The following PRELID2 variants were observed in gnomAD, a reference collection of about 807,000 sequenced individuals.
PRELID2 encodes the protein PRELI domain containing 2.
Under a neutral mutation model 28.4 loss-of-function variants are expected in PRELID2, and 25 were observed. The observed-to-expected ratio is 0.88, with a 90% CI of 0.64 to 1.23. The LOEUF (loss-of-function observed/expected upper bound fraction) is 1.23, where lower values mean the gene tolerates loss of function less well. Ranked by LOEUF, PRELID2 falls within the 50% of genes most tolerant of loss-of-function variation. The probability of loss-of-function intolerance (pLI) is 0.00; values close to 1 mark genes in which losing one functional copy is unlikely to be tolerated. For missense variants in PRELID2, 201 were observed against 214.4 expected (o/e 0.94, Z 0.39); for synonymous variants, 76 against 71.6 (o/e 1.06, Z -0.31).
chr5:145,465,831 G>C, the PRELID2 span, among the ~76,000 whole-genome samples: 4 of 152,214 alleles, frequency 2.6e-5, no homozygotes, highest in South Asian at 8.3e-4. Flanking sequence ...CACAAAACTA[G>C]ATCCCAGAGC....
At chr5:145,619,799 T>A (rs972419327) in intron 1 of PRELID2, among the ~76,000 whole-genome samples, 2 of 152,130 alleles carry the variant, frequency 1.3e-5, no homozygotes, top group African/African-American at 4.8e-5. Flanking sequence ...AACTTGAAAA[T>A]GGGATAGGAA....
intron 1 of PRELID2, among the ~76,000 whole-genome samples, chr5:145,740,601 A>G (rs1287936971): frequency 1.8e-4 from 1 of 5,634 alleles, no homozygotes; most frequent in African/African-American, 4.0e-4. Flanking sequence ...AAATATATAT[A>G]TATTATATAT....
At chr5:145,308,564 T>G in the PRELID2 span, among the ~76,000 whole-genome samples, 18 of 152,148 alleles carry the variant, frequency 1.2e-4, no homozygotes, top group Non-Finnish European at 2.5e-4. Context: ...CATATAGATC[T>G]ATCTATCTAT....
chr5:145,727,478 C>T (rs778636673), intron 1 of PRELID2, among the ~76,000 whole-genome samples: 1 of 152,204 alleles, frequency 6.6e-6, no homozygotes, highest in Non-Finnish European at 1.5e-5. Context: ...TCTCCCAATA[C>T]TCAGCTTTCC....
chr5:145,315,216 C>A, the PRELID2 span, among the ~76,000 whole-genome samples: 3 of 151,532 alleles, frequency 2.0e-5, no homozygotes. Flanking sequence ...ACTACAGGCA[C>A]GTGCCACCAC....
intron 1 of PRELID2, among the ~76,000 whole-genome samples, chr5:145,696,407 C>G (rs1323261665): frequency 6.6e-6 from 1 of 152,094 alleles, no homozygotes; most frequent in Non-Finnish European, 1.5e-5. Context: ...TTCGTTCATT[C>G]ATTAATTTAT....
intron 1 of PRELID2, among the ~76,000 whole-genome samples, chr5:145,655,886 C>CA (rs200376997): frequency 0.083 from 12,698 of 152,184 alleles, 732 homozygotes; most frequent in Non-Finnish European, 0.12. Context: ...CAACAAAAGC[C>CA]AAAATTGATA....
intron 1 of PRELID2, among the ~76,000 whole-genome samples, chr5:145,558,393 C>T (rs1752899093): frequency 6.6e-6 from 1 of 152,216 alleles, no homozygotes; most frequent in Non-Finnish European, 1.5e-5. Flanking sequence ...CACATATGTG[C>T]ATGGATAACC....
chr5:145,649,460 TAA>T (rs1754250396), intron 1 of PRELID2, among the ~76,000 whole-genome samples: 1 of 152,248 alleles, frequency 6.6e-6, no homozygotes, highest in South Asian at 2.1e-4. Flanking sequence ...TAGACCAGTC[TAA>T]GTTATGATGT....
intron 1 of PRELID2, among the ~76,000 whole-genome samples, chr5:145,480,898 G>C (rs971495563): frequency 6.6e-6 from 1 of 152,086 alleles, no homozygotes; most frequent in Non-Finnish European, 1.5e-5. Context: ...TTCAAAGCGA[G>C]GTTACCGAAT....
intron 1 of PRELID2, among the ~76,000 whole-genome samples, chr5:145,545,641 C>T (rs1379003298): frequency 6.6e-6 from 1 of 152,044 alleles, no homozygotes; most frequent in Non-Finnish European, 1.5e-5. Flanking sequence ...AGGAAAGGGC[C>T]TTGGCCTCGG....
At chr5:145,268,092 C>T in the PRELID2 span, among the ~76,000 whole-genome samples, 1 of 152,076 alleles carries the variant, frequency 6.6e-6, no homozygotes. Context: ...TGTAGGTTGT[C>T]TCTTTACTTT....
intron 1 of PRELID2, among the ~76,000 whole-genome samples, chr5:145,582,273 A>C (rs1753114008): frequency 6.6e-6 from 1 of 152,092 alleles, no homozygotes; most frequent in South Asian, 2.1e-4. Context: ...ACAGTTCTGC[A>C]GGGCTAAGGG....
intron 1 of PRELID2, among the ~76,000 whole-genome samples, chr5:145,516,518 C>T (rs1031135893): frequency 6.6e-6 from 1 of 152,146 alleles, no homozygotes; most frequent in Non-Finnish European, 1.5e-5. Context: ...ACATTCCATG[C>T]TCATGGACAG....
At chr5:145,667,561 T>C (rs1754618729) in intron 1 of PRELID2, among the ~76,000 whole-genome samples, 1 of 152,050 alleles carries the variant, frequency 6.6e-6, no homozygotes, top group Non-Finnish European at 1.5e-5. Context: ...AGTCATCAAT[T>C]TGACACAGGC....
the PRELID2 span, among the ~76,000 whole-genome samples, chr5:145,418,093 C>T: frequency 6.6e-6 from 1 of 152,074 alleles, no homozygotes; most frequent in Non-Finnish European, 1.5e-5. Flanking sequence ...CATTTTTATA[C>T]ACCAATAACA....
the PRELID2 span, among the ~76,000 whole-genome samples, chr5:145,374,214 A>G: frequency 1.3e-5 from 2 of 151,736 alleles, no homozygotes; most frequent in African/African-American, 4.8e-5. Flanking sequence ...CTTGTCTGGG[A>G]AGGATTTTAT....
chr5:145,312,656 A>G, the PRELID2 span, among the ~76,000 whole-genome samples: 1 of 152,140 alleles, frequency 6.6e-6, no homozygotes, highest in Non-Finnish European at 1.5e-5. Flanking sequence ...AATGCCCTCC[A>G]GGCTCATCTA....
At chr5:145,639,693 T>C (rs1487862992) in intron 1 of PRELID2, among the ~76,000 whole-genome samples, 1 of 152,214 alleles carries the variant, frequency 6.6e-6, no homozygotes, top group Non-Finnish European at 1.5e-5. Context: ...GGAAAGTGCG[T>C]TGGGTTGGGC....
Sources: gnomAD v4.1 joint callset for allele counts (sites outside exome capture counted in the v4.1 genomes callset) on GRCh38, gnomAD v4.1.1 for gene constraint, MANE v1.5 for transcripts, NCBI Gene and HGNC (gene_info 2026-07-23, HGNC 2026-07-21) for gene names.